Variants in TARS1 observed in about 807,000 individuals in gnomAD.
TARS1 encodes the protein threonyl-tRNA synthetase 1.
TARS1 carries 57 observed loss-of-function variants against 97.7 expected under a neutral mutation model. The observed-to-expected ratio is 0.58, with a 90% CI of 0.47 to 0.73. TARS1 has a LOEUF of 0.73. TARS1 is among the 30% of genes least tolerant of loss of function. TARS1 has a pLI of 0.00. For missense variants in TARS1, 806 were observed against 888.3 expected, an observed-to-expected ratio of 0.91 and a Z score of 1.18; for synonymous variants, 312 against 293.7, an observed-to-expected ratio of 1.06 and a Z score of -0.64.
chr5:33,467,327 G>A (rs16891189), intron 18 of TARS1, among the ~76,000 whole-genome samples: 78,426 of 151,906 alleles, frequency 0.52, 21,437 homozygotes, highest in East Asian at 0.75. Context: ...CATGATGTTT[G>A]GGGTTTTATT....
At chr5:33,459,905 A>G in intron 11 of TARS1, 44 bp downstream of exon 11, 1 of 1,586,408 alleles carries the variant, frequency 6.3e-7, no homozygotes, top group Non-Finnish European at 8.6e-7. Context: ...TTCACATGCT[A>G]CAATTCATCC....
Position 33,459,871 on chromosome 5 carries a change from A to G in TARS1, c.1250+10A>G. On this transcript the variant is annotated intron_variant, in intron 11 of 18. Transcript: ENST00000265112. ...ACTGCCCAGGACACTGGTATTCGGC[A>G]GCTTTGAATTTCTACTGAAGATTTT... 6.3e-7 allele frequency: 1 copy of G among 1,599,482 alleles called. No individual in the cohort carries two copies. The highest frequency in any genetic ancestry group is 1.3e-5 in the African/African-American group (1 of 74,640).
intron 18 of TARS1, among the ~76,000 whole-genome samples, chr5:33,467,304 G>C (rs1742573433): frequency 6.6e-6 from 1 of 151,714 alleles, no homozygotes. Context: ...GGGATTACTT[G>C]AAAAAAGATA....
chr5:33,460,060 C>A, intron 11 of TARS1, 199 bp downstream of exon 11: 1 of 492,904 alleles, frequency 2.0e-6, no homozygotes, highest in Non-Finnish European at 3.5e-6. Flanking sequence ...AGAGGTCTTC[C>A]AACTGGAGTG....
chr5:33,453,239 C>A, intron 3 of TARS1, 50 bp from the exon 4 acceptor site: 3 of 1,456,848 alleles, frequency 2.1e-6, no homozygotes, highest in South Asian at 3.0e-5. Flanking sequence ...AAATTAGATT[C>A]GTGTGTACTT....
At chr5:33,463,567 C>A (rs1028656608) in intron 16 of TARS1, among the ~76,000 whole-genome samples, 186 bp from the exon 17 acceptor site, 2 of 152,176 alleles carry the variant, frequency 1.3e-5, no homozygotes, top group African/African-American at 2.4e-5. Context: ...TTTTCTTCTC[C>A]TGCATCTCCT....
chr5:33,448,466 A>G lies in TARS1; in HGVS notation c.139-75A>G, dbSNP rs1444078656. ...CCTGGGTTTCTGTATTGTTTTTATT[A>G]TTTCTTTCCCATTTCTAAATAGGAA... is the stretch of plus-strand genomic sequence containing the variant. On this transcript the variant is annotated intron_variant, in intron 2 of 18. Transcript: ENST00000265112. 3.1e-6 allele frequency: 4 copies of G among 1,289,950 alleles called. No individual in the cohort carries two copies. In the East Asian group the frequency reaches 9.9e-5, roughly 32 times the overall value. 79.9% of individuals were successfully genotyped at this position (1,289,950 alleles called of 1,614,324 possible). A position where few individuals can be genotyped will look rare whatever the true frequency, so the allele number is the denominator to read the frequency against.
In TARS1 at chr5:33,441,321, A is replaced by G. The variant is rs1319128647; in HGVS notation, c.57+178A>G. 3 of 660,010 alleles carry G rather than the reference A, an allele frequency of 4.5e-6. No individual in the cohort carries two copies. The Admixed American group carries it at 8.3e-5, about 18-fold the overall frequency. 40.9% of individuals were successfully genotyped at this position (660,010 alleles called of 1,614,324 possible). A position where few individuals can be genotyped will look rare whatever the true frequency, so the allele number is the denominator to read the frequency against. On this transcript the variant is annotated intron_variant, in intron 1 of 18. Coordinates refer to ENST00000265112, the MANE Select transcript of TARS1 (RefSeq NM_152295.5). ...AACCCCCTTTGGGAACCATCCATTCATAAATTAGGGTGGGGCCTTGCAGTT... is the reference window on the plus strand; with the variant it reads ...AACCCCCTTTGGGAACCATCCATTCGTAAATTAGGGTGGGGCCTTGCAGTT...
intron 3 of TARS1, among the ~76,000 whole-genome samples, chr5:33,449,323 ATATACGCGTATATATACACGTG>A (rs1277959484): frequency 8.5e-5 from 12 of 141,368 alleles, no homozygotes; most frequent in African/African-American, 3.4e-4. Context: ...ATGTGTATAT[ATATACGCGTATATATACACGTG>A]TATATATATA....
intron 1 of TARS1, among the ~76,000 whole-genome samples, chr5:33,442,755 C>T (rs974970232): frequency 4.0e-5 from 6 of 149,428 alleles, no homozygotes; most frequent in Non-Finnish European, 8.8e-5. Context: ...CCGCCCGTCT[C>T]GGCCTCCCAA....
chr5:33,453,554 AT>A, intron 4 of TARS1, 142 bp downstream of exon 4: 1 of 1,146,026 alleles, frequency 8.7e-7, no homozygotes, highest in Non-Finnish European at 1.2e-6. Flanking sequence ...TTTGTCCTTC[AT>A]TTAGGGAACA....
chr5:33,459,842 A>G lies in TARS1; in HGVS notation c.1231A>G (p.Met411Val), dbSNP rs1742206883. ...VEKELFALKP[M>V]NCPGHCLMFD... ...GAAGGAGCTGTTTGCCCTGAAACCCATGAACTGCCCAGGACACTGGTATTC... is the reference window on the plus strand; with the variant it reads ...GAAGGAGCTGTTTGCCCTGAAACCCGTGAACTGCCCAGGACACTGGTATTC... The change falls in exon 11 of 19, where the codon ATG becomes GTG. Residue 411 changes from methionine (M) to valine (V), a missense_variant. Coordinates refer to ENST00000265112, the MANE Select transcript of TARS1 (RefSeq NM_152295.5). The G allele has an allele frequency of 6.2e-7, 1 of 1,614,178 alleles. No individual in the cohort carries two copies. The highest frequency in any genetic ancestry group is 8.5e-7 in the Non-Finnish European group (1 of 1,180,008).
chr5:33,452,445 T>G (rs1463717499), intron 3 of TARS1: 3 of 1,534,014 alleles, frequency 2.0e-6, no homozygotes, highest in South Asian at 2.4e-5. Flanking sequence ...TTCCTGTGAG[T>G]GCTTTATCCT....
intron 3 of TARS1, among the ~76,000 whole-genome samples, chr5:33,450,424 C>T (rs993187048): frequency 4.6e-5 from 7 of 152,152 alleles, no homozygotes; most frequent in African/African-American, 9.7e-5. Flanking sequence ...GAGCCATGAG[C>T]ATCTACTGTA....
chr5:33,457,360 T>C lies in TARS1; in HGVS notation c.941T>C (p.Phe314Ser), dbSNP rs758885431. The change falls in exon 9 of 19, where the codon TTC becomes TCC. Residue 314 changes from phenylalanine to serine, a missense_variant. Physicochemically the swap from Phe to Ser is radical, Grantham distance 155. This residue lies in a region of TARS1 where 446 missense variants were observed against 511.0 expected (regional missense o/e 0.87). Transcript: ENST00000265112. ...AAAATGTTGAAAGAGTGGGAGAAGT[T>C]CCAAGAGGAAGCTAAAAACCGAGAT... Reference protein sequence around the residue: ...DPKMLKEWEKFQEEAKNRDHR... With the variant: ...DPKMLKEWEKSQEEAKNRDHR... The C allele has an allele frequency of 1.2e-6, 2 of 1,614,082 alleles. No homozygotes were observed. The highest frequency in any genetic ancestry group is 2.2e-5 in the South Asian group (2 of 91,078).
intron 11 of TARS1, 47 bp downstream of exon 11, chr5:33,459,908 A>G (rs773444211): frequency 1.3e-5 from 21 of 1,584,036 alleles, no homozygotes; most frequent in South Asian, 5.7e-5. Flanking sequence ...ACATGCTACA[A>G]TTCATCCTGG....
chr5:33,466,503 G>GT (rs140002544), intron 17 of TARS1, among the ~76,000 whole-genome samples: 3,858 of 152,228 alleles, frequency 0.025, 171 homozygotes, highest in African/African-American at 0.089. Context: ...AGGTTCATAT[G>GT]AAATGATAGT....
chr5:33,462,962 G>C (rs3777075), intron 16 of TARS1, among the ~76,000 whole-genome samples: 11,343 of 152,204 alleles, frequency 0.075, 605 homozygotes, highest in East Asian at 0.22. Flanking sequence ...AATGATACAA[G>C]ATAATCTCTA....
intron 17 of TARS1, chr5:33,466,342 ATAT>A (rs1157559437): frequency 6.6e-6 from 1 of 152,156 alleles, no homozygotes; most frequent in African/African-American, 2.4e-5. Context: ...AGACTATTAA[ATAT>A]TATTCTATTT....
Sources: allele counts gnomAD v4.1 joint callset (sites outside exome capture counted in the v4.1 genomes callset), GRCh38; gene constraint gnomAD v4.1.1; regional missense constraint gnomAD v4.1.1; transcripts MANE v1.5; gene names NCBI Gene and HGNC (gene_info 2026-07-23, HGNC 2026-07-21).